Variants in SMPD3 observed in about 807,000 individuals in gnomAD.
SMPD3 encodes the protein nSMase-2.
In SMPD3, 21 loss-of-function variants were observed where a neutral mutation model predicts 55.7. The observed-to-expected ratio is 0.38, with a 90% CI of 0.27 to 0.54. The LOEUF (loss-of-function observed/expected upper bound fraction) is 0.54. Ranked by LOEUF, SMPD3 falls within the 20% of genes least tolerant of loss-of-function variation. The pLI, the probability that SMPD3 is intolerant of heterozygous loss-of-function variation, is 0.80. For synonymous variants in SMPD3, 457 were observed against 404.3 expected, an observed-to-expected ratio of 1.13 and a Z score of -1.56; for missense variants, 842 against 899.6, an observed-to-expected ratio of 0.94 and a Z score of 0.82.
Position 68,371,375 on chromosome 16 carries a change from G to C in SMPD3, c.807C>G (p.Asn269Lys). Residue 269 changes from asparagine (N) to lysine (K), a missense_variant, in exon 3 of 9, where the codon AAC becomes AAG. Asn to Lys is a moderately conservative substitution (Grantham distance 94). Transcript: ENST00000219334. ...GGCCCCTTGGGCCCCCGCCAGCTCC[G>C]TTCCTGGCCTGGCCCCCAGGCACAG... is the stretch of plus-strand genomic sequence containing the variant. ...DDPVPGGQAR[N>K]GAGGGPRGQT... is the part of the protein sequence containing the mutation. 1 of 1,570,554 alleles carries C rather than the reference G, an allele frequency of 6.4e-7. No individual in the cohort carries two copies. The highest frequency in any genetic ancestry group is 8.6e-7 in the Non-Finnish European group (1 of 1,167,590).
rs2089380592 is a variant in SMPD3 at position 68,363,566 on chromosome 16, G to A, written c.1646-7C>T. The A allele has an allele frequency of 6.2e-7, 1 of 1,612,394 alleles. No homozygotes were observed. The stretch of plus-strand genomic sequence containing the variant: ...TTCGTGTCCAGCAGAGTACCTGGGG[G>A]GGACGAGGGGGTGACAGTGGTCGCT... On this transcript the variant is annotated splice_polypyrimidine_tract_variant and splice_region_variant and intron_variant, in intron 6 of 8. Transcript: ENST00000219334.
At chr16:68,437,193 G>A (rs1159965830) in intron 1 of SMPD3, among the ~76,000 whole-genome samples, 1 of 152,222 alleles carries the variant, frequency 6.6e-6, no homozygotes, top group Non-Finnish European at 1.5e-5. Flanking sequence ...CAGAGTAGGA[G>A]CCAGTTGTGT....
rs373999203 is a variant in SMPD3, at chr16:68,428,968, G to A, written c.-269+19385C>T. On this transcript the variant is annotated intron_variant, in intron 1 of 8. Coordinates refer to ENST00000219334, the MANE Select transcript of SMPD3 (RefSeq NM_018667.4). ...AGCAGGTCAGCCTAGTCAAGCCAGG[G>A]GAAAGTCAGTCTCAGTGATGTAACT... Among the ~76,000 whole-genome samples, 217 of 152,314 alleles carry A rather than the reference G, an allele frequency of 1.4e-3. 2 individuals carry two copies. The highest frequency in any genetic ancestry group is 5.1e-3 in the African/African-American group (210 of 41,568).
intron 1 of SMPD3, among the ~76,000 whole-genome samples, chr16:68,418,297 A>G (rs1346748436): frequency 6.6e-6 from 1 of 152,050 alleles, no homozygotes; most frequent in East Asian, 1.9e-4. Flanking sequence ...AAATACCCAC[A>G]AGAGAAATGA....
chr16:68,360,933 C>G lies in SMPD3; in HGVS notation c.*273G>C, dbSNP rs1210064961. 1 of 448,666 alleles carries G rather than the reference C, an allele frequency of 2.2e-6. No individual in the cohort carries two copies. Among genetic ancestry groups the G allele is most frequent in the Non-Finnish European group, 4.0e-6 (1 of 249,030 alleles). The allele number at this position is 448,666 out of a possible 1,614,324, so 27.8% of individuals were successfully genotyped here. On this transcript the variant is annotated 3_prime_UTR_variant, in exon 9 of 9. Transcript: ENST00000219334. ...CTCATACTAACCCACGGGTTACAAACTCGGTTGTGCTGTAGATTTGTAGAA... is the reference window on the plus strand; with the variant it reads ...CTCATACTAACCCACGGGTTACAAAGTCGGTTGTGCTGTAGATTTGTAGAA...
chr16:68,358,570 GT>G lies in SMPD3; in HGVS notation c.*2635del. On this transcript the variant is annotated 3_prime_UTR_variant, in exon 9 of 9. Transcript: ENST00000219334. ...AGAAAAAAATACAGAAATTAAAAAA[GT>G]TTTTATAACAGTATTTCTAAATCTC... The G allele has an allele frequency of 6.6e-6, 1 of 152,608 alleles. No homozygotes were observed. The highest frequency in any genetic ancestry group is 2.4e-5 in the African/African-American group (1 of 41,446). The allele number at this position is 152,608 out of a possible 1,614,324, so 9.5% of individuals were successfully genotyped here.
intron 2 of SMPD3, 130 bp from the exon 3 acceptor site, chr16:68,372,517 C>G (rs904537153): frequency 2.5e-6 from 1 of 401,476 alleles, no homozygotes; most frequent in African/African-American, 2.0e-5. Context: ...GAGAACCAGG[C>G]TGGAGCTGGC....
chr16:68,364,218 T>C (rs1196058480), intron 5 of SMPD3, among the ~76,000 whole-genome samples: 1 of 152,226 alleles, frequency 6.6e-6, no homozygotes, highest in Non-Finnish European at 1.5e-5. Flanking sequence ...GCTGTTTCAC[T>C]GATGACGAGC....
At chr16:68,422,984 T>G (rs2152025304) in intron 1 of SMPD3, among the ~76,000 whole-genome samples, 1 of 152,306 alleles carries the variant, frequency 6.6e-6, no homozygotes, top group African/African-American at 2.4e-5. Context: ...GGTAAACCTT[T>G]CCACAGTTCT....
chr16:68,409,888 A>T (rs529105803), intron 1 of SMPD3, among the ~76,000 whole-genome samples: 1 of 152,176 alleles, frequency 6.6e-6, no homozygotes, highest in East Asian at 1.9e-4. Context: ...CACCGCGCCC[A>T]GCCAATGATT....
intron 1 of SMPD3, among the ~76,000 whole-genome samples, chr16:68,401,450 A>T (rs2090204767): frequency 6.6e-6 from 1 of 151,794 alleles, no homozygotes; most frequent in African/African-American, 2.4e-5. Flanking sequence ...ATTGGGGGTG[A>T]TAGGGGTATA....
chr16:68,380,386 G>C (rs907977526), intron 2 of SMPD3, among the ~76,000 whole-genome samples: 35 of 152,252 alleles, frequency 2.3e-4, no homozygotes, highest in African/African-American at 8.4e-4. Flanking sequence ...GGCAGCTCCG[G>C]GGCCGAACTG....
chr16:68,392,994 C>T (rs1024365013), intron 1 of SMPD3, among the ~76,000 whole-genome samples: 2 of 151,918 alleles, frequency 1.3e-5, no homozygotes, highest in Admixed American at 6.6e-5. Flanking sequence ...TAGCCTCTAA[C>T]CTGTAAGAAA....
rs1449722263 is a variant in SMPD3, at chr16:68,403,583, C to CT, written c.-268-16925dup. 2.6e-5 allele frequency among the ~76,000 whole-genome samples: 4 copies of CT among 152,262 alleles called. No individual in the cohort carries two copies. In the South Asian group the frequency reaches 8.3e-4, roughly 32 times the overall value. ...TTCTCAATATCCAGGGATTTTTATT[C>CT]TTTTTTTGTAATCATTACTCTTGAT... On this transcript the variant is annotated intron_variant, in intron 1 of 8. Coordinates refer to ENST00000219334, the MANE Select transcript of SMPD3 (RefSeq NM_018667.4).
At chr16:68,428,092 T>G (rs1225838602) in intron 1 of SMPD3, among the ~76,000 whole-genome samples, 1 of 152,140 alleles carries the variant, frequency 6.6e-6, no homozygotes, top group Non-Finnish European at 1.5e-5. Context: ...ATTTCTATGT[T>G]TGCTTTGGAG....
rs773861235 is a variant in SMPD3 at position 68,361,716 on chromosome 16, G to A, written c.1753C>T (p.Pro585Ser). The change falls in exon 8 of 9, where the codon CCC (proline) becomes TCC (serine). Residue 585 changes from proline (P) to serine (S), a missense_variant. This residue lies in a region of SMPD3 where 649 missense variants were observed against 643.6 expected (regional missense o/e 1.01). Coordinates refer to ENST00000219334, the MANE Select transcript of SMPD3 (RefSeq NM_018667.4). ...TTCTGGCCCGAGCTCTTGCTGGTGGGAAACGCCAGGTACTCCCTGCGGCCC... is the reference window on the plus strand; with the variant it reads ...TTCTGGCCCGAGCTCTTGCTGGTGGAAAACGCCAGGTACTCCCTGCGGCCC... ...EEGRREYLAF[P>S]TSKSSGQKGR... 3.7e-6 allele frequency: 6 copies of A among 1,612,890 alleles called. No individual in the cohort carries two copies. Among genetic ancestry groups the A allele is most frequent in the Non-Finnish European group, 4.2e-6 (5 of 1,179,968 alleles).
At chr16:68,438,538 G>A (rs1248410520) in intron 1 of SMPD3, among the ~76,000 whole-genome samples, 1 of 152,018 alleles carries the variant, frequency 6.6e-6, no homozygotes, top group Non-Finnish European at 1.5e-5. Flanking sequence ...AGCTTTTTTG[G>A]TTCTCTAACA....
At chr16:68,421,817 T>A (rs2090397324) in intron 1 of SMPD3, among the ~76,000 whole-genome samples, 1 of 152,214 alleles carries the variant, frequency 6.6e-6, no homozygotes, top group South Asian at 2.1e-4. Context: ...GGCCTGCCTA[T>A]TAGACTTGGT....
intron 1 of SMPD3, among the ~76,000 whole-genome samples, chr16:68,401,519 G>A (rs1330113191): frequency 1.4e-4 from 22 of 152,110 alleles, no homozygotes; most frequent in Admixed American, 5.9e-4. Context: ...TTGAAGACAG[G>A]GCCCTGTCTT....
Sources: allele counts gnomAD v4.1 joint callset (sites outside exome capture counted in the v4.1 genomes callset), GRCh38; gene constraint gnomAD v4.1.1; regional missense constraint gnomAD v4.1.1; transcripts MANE v1.5; gene names NCBI Gene and HGNC (gene_info 2026-07-23, HGNC 2026-07-21).